MEGF11: variants seen among roughly 807,000 people sequenced by gnomAD.
The protein encoded by MEGF11 is multiple epidermal growth factor-like domains protein 11.
A neutral mutation model predicts 146.6 loss-of-function variants in MEGF11; 126 were observed. That is an observed-to-expected ratio of 0.86 (90% CI 0.74 to 1.00). The LOEUF (loss-of-function observed/expected upper bound fraction) is 1.00. Ranked by LOEUF, MEGF11 falls within the 50% of genes least tolerant of loss-of-function variation. The probability of loss-of-function intolerance (pLI) is 0.00; values close to 1 mark genes in which losing one functional copy is unlikely to be tolerated. For synonymous variants in MEGF11, 532 were observed against 583.4 expected (o/e 0.91, Z 1.27); for missense variants, 1,509 against 1,521.2 (o/e 0.99, Z 0.13).
intron 1 of MEGF11, among the ~76,000 whole-genome samples, chr15:66,216,975 C>T (rs2091601471): frequency 6.6e-6 from 1 of 152,246 alleles, no homozygotes. Context: ...TCTGCAGGGC[C>T]TTCTCCAGAG....
intron 5 of MEGF11, among the ~76,000 whole-genome samples, chr15:66,041,783 T>C (rs536163393): frequency 6.6e-6 from 1 of 152,206 alleles, no homozygotes; most frequent in Admixed American, 6.5e-5. Flanking sequence ...AACTACCCTC[T>C]GAGTTTAGGG....
At chr15:65,980,177 A>T (rs2081583904) in intron 7 of MEGF11, among the ~76,000 whole-genome samples, 1 of 152,182 alleles carries the variant, frequency 6.6e-6, no homozygotes, top group African/African-American at 2.4e-5. Flanking sequence ...GGGTGCTCAC[A>T]CCCAAAGACA....
At chr15:66,132,193 T>C (rs1175101298) in intron 1 of MEGF11, among the ~76,000 whole-genome samples, 3 of 152,310 alleles carry the variant, frequency 2.0e-5, no homozygotes, top group African/African-American at 7.2e-5. Context: ...GACCCTGCCA[T>C]CATTAGCACC....
chr15:66,156,836 T>A (rs1395668763), intron 1 of MEGF11, among the ~76,000 whole-genome samples: 2 of 152,128 alleles, frequency 1.3e-5, no homozygotes, highest in Non-Finnish European at 2.9e-5. Context: ...TCCTCTGTAC[T>A]GAGAGAACAG....
intron 5 of MEGF11, among the ~76,000 whole-genome samples, chr15:66,041,134 C>T (rs536915675): frequency 1.3e-4 from 20 of 152,230 alleles, no homozygotes; most frequent in African/African-American, 4.8e-4. Context: ...TTGTTTTTCC[C>T]AATTGGTAAA....
At chr15:66,187,258 C>A (rs928758770) in intron 1 of MEGF11, among the ~76,000 whole-genome samples, 1 of 152,254 alleles carries the variant, frequency 6.6e-6, no homozygotes, top group Non-Finnish European at 1.5e-5. Context: ...CCTGGCCAAG[C>A]ACTTCTCTGT....
chr15:65,993,739 C>T (rs763015593), intron 5 of MEGF11, among the ~76,000 whole-genome samples: 1 of 152,174 alleles, frequency 6.6e-6, no homozygotes, highest in Non-Finnish European at 1.5e-5. Flanking sequence ...AATTCACAGT[C>T]GGAGTGGGCA....
chr15:66,189,821 C>G (rs2141184770), intron 1 of MEGF11, among the ~76,000 whole-genome samples: 1 of 132,714 alleles, frequency 7.5e-6, no homozygotes, highest in Middle Eastern at 3.7e-3. Context: ...CAATGAGCAA[C>G]AGGGGAAAGA....
At chr15:65,963,464 ATTGGGTAATTC>A (rs1404198103) in intron 9 of MEGF11, among the ~76,000 whole-genome samples, 1 of 151,806 alleles carries the variant, frequency 6.6e-6, no homozygotes, top group Non-Finnish European at 1.5e-5. Context: ...CATCTCTGAT[ATTGGGTAATTC>A]ATATCTCTGA....
chr15:66,099,204 C>CTTTTTTTTTTTT lies in MEGF11; in HGVS notation c.302-4722_302-4711dup, dbSNP rs10683767. ...CCCATCCCTCCCACCCCTCCTTTTT[C>CTTTTTTTTTTTT]TTTTTTTTTTTTTTTTTTGATATGG... On this transcript the variant is annotated intron_variant, in intron 4 of 25. Coordinates refer to ENST00000395614, the MANE Select transcript of MEGF11 (RefSeq NM_001385028.1). Among the ~76,000 whole-genome samples the CTTTTTTTTTTTT allele has an allele frequency of 3.8e-5, 4 of 105,878 alleles. 1 individual carries two copies. Among genetic ancestry groups the CTTTTTTTTTTTT allele is most frequent in the African/African-American group, 1.1e-4 (3 of 28,368 alleles). 69.5% of individuals were successfully genotyped at this position (105,878 alleles called of 152,430 possible). A position where few individuals can be genotyped will look rare whatever the true frequency, so the allele number is the denominator to read the frequency against.
intron 5 of MEGF11, among the ~76,000 whole-genome samples, chr15:65,983,382 C>G (rs1020425461): frequency 6.6e-6 from 1 of 152,202 alleles, no homozygotes; most frequent in Non-Finnish European, 1.5e-5. Context: ...AGCCTGCTGC[C>G]ACCTCCCACT....
At chr15:66,158,410 T>C (rs1597127187) in intron 1 of MEGF11, among the ~76,000 whole-genome samples, 1 of 152,384 alleles carries the variant, frequency 6.6e-6, no homozygotes, top group South Asian at 2.1e-4. Flanking sequence ...CCGTGTGGAC[T>C]CAGCCTCAGC....
At chr15:65,900,986 C>T (rs903048352) in intron 24 of MEGF11, among the ~76,000 whole-genome samples, 1 of 152,298 alleles carries the variant, frequency 6.6e-6, no homozygotes, top group African/African-American at 2.4e-5. Context: ...TTATTTGAGA[C>T]ACCTACCAAC....
At chr15:66,067,082 G>A (rs2085160482) in intron 5 of MEGF11, among the ~76,000 whole-genome samples, 1 of 152,220 alleles carries the variant, frequency 6.6e-6, no homozygotes, top group South Asian at 2.1e-4. Flanking sequence ...GGTTTGATAT[G>A]AGGATTCAAT....
intron 1 of MEGF11, among the ~76,000 whole-genome samples, chr15:66,171,918 C>T (rs80026360): frequency 0.031 from 4,663 of 152,244 alleles, 219 homozygotes; most frequent in African/African-American, 0.11. Flanking sequence ...TCAATATCCC[C>T]GCCGTCTCCA....
At chr15:66,224,636 CTTA>C (rs971791318) in intron 1 of MEGF11, among the ~76,000 whole-genome samples, 8 of 90,198 alleles carry the variant, frequency 8.9e-5, no homozygotes, top group Middle Eastern at 5.1e-3. Flanking sequence ...TATATTATTA[CTTA>C]TTATATTATA....
intron 9 of MEGF11, among the ~76,000 whole-genome samples, chr15:65,959,220 A>G (rs1379812369): frequency 6.6e-6 from 1 of 152,178 alleles, no homozygotes; most frequent in Non-Finnish European, 1.5e-5. Context: ...TCAGGGCCCA[A>G]CAGAGTCCCT....
Position 65,913,815 on chromosome 15 carries a change from C to T in MEGF11, c.2632G>A (p.Glu878Lys), listed in dbSNP as rs1461749370. The change falls in exon 20 of 26, where the codon GAG becomes AAG. Residue 878 changes from glutamate (E) to lysine (K), a missense_variant. Physicochemically the swap from Glu to Lys is moderately conservative, Grantham distance 56 (BLOSUM62 1). Transcript: ENST00000395614. ...CGGGGAGCCAGGTCTCGGCCCTTCTCTTTCTGCCGCCGCCGATGCCAGGCA... is the reference window on the plus strand; with the variant it reads ...CGGGGAGCCAGGTCTCGGCCCTTCTTTTTCTGCCGCCGCCGATGCCAGGCA... ...LFAWHRRRQK[E>K]KGRDLAPRVS... The T allele has an allele frequency of 1.9e-6, 3 of 1,613,960 alleles. No homozygotes were observed. The highest frequency in any genetic ancestry group is 1.3e-5 in the African/African-American group (1 of 75,042).
In MEGF11 at chr15:66,156,500, T is replaced by C. The variant is rs1370079652; in HGVS notation, c.-8-28089A>G. 9.9e-5 allele frequency among the ~76,000 whole-genome samples: 15 copies of C among 151,838 alleles called. 1 individual carries two copies. The highest frequency in any genetic ancestry group is 8.5e-4 in the Admixed American group (13 of 15,276). On this transcript the variant is annotated intron_variant, in intron 1 of 25. Transcript: ENST00000395614. ...TCTTAAAGACAGCCACAGCTGGGGATCCAGTGGTGGCCCTGTGCTCGGCCA... is the reference window on the plus strand; with the variant it reads ...TCTTAAAGACAGCCACAGCTGGGGACCCAGTGGTGGCCCTGTGCTCGGCCA...
Sources: gnomAD v4.1 joint callset for allele counts (sites outside exome capture counted in the v4.1 genomes callset) on GRCh38, gnomAD v4.1.1 for gene constraint, MANE v1.5 for transcripts, NCBI Gene and HGNC (gene_info 2026-07-23, HGNC 2026-07-21) for gene names.